The following CHCHD6 variants were observed in gnomAD, a reference collection of about 807,000 sequenced individuals.
CHCHD6 encodes the protein MICOS complex subunit MIC25.
In CHCHD6, 28 loss-of-function variants were observed where a neutral mutation model predicts 32.3. The ratio of observed to expected loss-of-function variants is 0.87; its 90% CI spans 0.64 to 1.19. The LOEUF (loss-of-function observed/expected upper bound fraction) is 1.19. Among genes scored for constraint, CHCHD6 ranks in the 50% most tolerant of loss-of-function variants. The probability of loss-of-function intolerance (pLI) is 0.00; values close to 1 mark genes in which losing one functional copy is unlikely to be tolerated. For missense variants in CHCHD6, 333 were observed against 307.0 expected (o/e 1.08, Z -0.63); for synonymous variants, 122 against 117.5 (o/e 1.04, Z -0.25).
intron 5 of CHCHD6, among the ~76,000 whole-genome samples, chr3:126,885,752 G>C (rs993852657): frequency 6.6e-6 from 1 of 152,208 alleles, no homozygotes; most frequent in Non-Finnish European, 1.5e-5. Flanking sequence ...TGACTGTCCT[G>C]TTATTATTTG....
chr3:126,762,213 C>A (rs1937188493), intron 4 of CHCHD6, among the ~76,000 whole-genome samples: 1 of 151,900 alleles, frequency 6.6e-6, no homozygotes, highest in Admixed American at 6.6e-5. Flanking sequence ...TACTCTTTTT[C>A]TAGTTCTTTA....
At chr3:126,801,917 G>A (rs1939097176) in intron 4 of CHCHD6, among the ~76,000 whole-genome samples, 1 of 152,220 alleles carries the variant, frequency 6.6e-6, no homozygotes, top group Admixed American at 6.5e-5. Flanking sequence ...AAAATCCACT[G>A]TTCTGCAGGC....
chr3:126,707,645 C>T (rs1474756498), intron 1 of CHCHD6, among the ~76,000 whole-genome samples: 1 of 152,170 alleles, frequency 6.6e-6, no homozygotes, highest in African/African-American at 2.4e-5. Flanking sequence ...CCACTGAGCC[C>T]ACCCCTGTTC....
At chr3:126,852,822 G>A (rs1394007822) in intron 5 of CHCHD6, 92 bp downstream of exon 5, 8 of 858,542 alleles carry the variant, frequency 9.3e-6, no homozygotes, top group South Asian at 4.3e-5. Flanking sequence ...AGAGGAGTCC[G>A]CAGACCCAGT....
At chr3:126,751,819 A>T (rs749482063) in intron 4 of CHCHD6, among the ~76,000 whole-genome samples, 4 of 152,140 alleles carry the variant, frequency 2.6e-5, no homozygotes, top group Non-Finnish European at 5.9e-5. Flanking sequence ...TCCTCCCTGG[A>T]TAGTCATAAG....
At chr3:126,826,644 G>A (rs1345064609) in intron 4 of CHCHD6, among the ~76,000 whole-genome samples, 6 of 152,160 alleles carry the variant, frequency 3.9e-5, no homozygotes, top group Non-Finnish European at 8.8e-5. Context: ...TGGGGAAACT[G>A]AGGCCTAGAG....
chr3:126,905,502 T>C (rs2077991823), intron 5 of CHCHD6, among the ~76,000 whole-genome samples: 1 of 151,590 alleles, frequency 6.6e-6, no homozygotes, highest in Admixed American at 6.6e-5. Context: ...GTGCCAAGAT[T>C]GTTTACTAGA....
chr3:126,881,065 G>A (rs1167827917), intron 5 of CHCHD6, among the ~76,000 whole-genome samples: 4 of 152,236 alleles, frequency 2.6e-5, no homozygotes, highest in East Asian at 1.9e-4. Context: ...CAGAACTGCC[G>A]ACCTGTATGG....
At chr3:126,774,989 T>C (rs1255473712) in intron 4 of CHCHD6, among the ~76,000 whole-genome samples, 1 of 152,206 alleles carries the variant, frequency 6.6e-6, no homozygotes, top group African/African-American at 2.4e-5. Flanking sequence ...CCTATCATTC[T>C]GGGTCCTGAG....
Position 126,799,231 on chromosome 3 carries a change from C to T in CHCHD6, c.412-53416C>T, listed in dbSNP as rs1056113180. ...AGGTGTTGAACAAGTGAAGGAATCA[C>T]TCTTGTCTCTAGCTGTACTCAACAG... On this transcript the variant is annotated intron_variant, in intron 4 of 7. Coordinates refer to ENST00000290913, the MANE Select transcript of CHCHD6 (RefSeq NM_032343.3). 2.0e-5 allele frequency among the ~76,000 whole-genome samples: 3 copies of T among 152,320 alleles called. 1 individual carries two copies.
intron 6 of CHCHD6, among the ~76,000 whole-genome samples, chr3:126,956,627 G>GAGAA (rs1056381764): frequency 2.0e-5 from 3 of 150,992 alleles, no homozygotes; most frequent in African/African-American, 7.3e-5. Context: ...GAGAGAGAGA[G>GAGAA]AAATCTGGAA....
At chr3:126,777,673 C>T (rs2053819) in intron 4 of CHCHD6, among the ~76,000 whole-genome samples, 6 of 152,306 alleles carry the variant, frequency 3.9e-5, no homozygotes, top group East Asian at 1.9e-4. Context: ...GTAGCAGGCA[C>T]GTTGAGCTCC....
chr3:126,717,768 G>GGT (rs1553723716), intron 1 of CHCHD6, among the ~76,000 whole-genome samples: 15,927 of 142,296 alleles, frequency 0.11, 884 homozygotes, highest in Middle Eastern at 0.22. Context: ...AGTGCTGAGG[G>GGT]GTGTGTGTGT....
At chr3:126,915,394 G>T (rs114938906) in intron 6 of CHCHD6, among the ~76,000 whole-genome samples, 1 of 152,340 alleles carries the variant, frequency 6.6e-6, no homozygotes, top group African/African-American at 2.4e-5. Flanking sequence ...TACCAGTGTG[G>T]CTCTGCTCAG....
chr3:126,753,446 C>T (rs891273328), intron 4 of CHCHD6, among the ~76,000 whole-genome samples: 2 of 152,176 alleles, frequency 1.3e-5, no homozygotes, highest in African/African-American at 4.8e-5. Context: ...CAGGAGCATG[C>T]TGCAGCCCGC....
At chr3:126,914,597 C>T in intron 5 of CHCHD6, 83 bp from the exon 6 acceptor site, 1 of 803,484 alleles carries the variant, frequency 1.2e-6, no homozygotes, top group East Asian at 2.4e-5. Context: ...TAGCATCTGT[C>T]AATTTCTAAT....
At chr3:126,956,628 A>AGT (rs2078789086) in intron 6 of CHCHD6, among the ~76,000 whole-genome samples, 1 of 151,090 alleles carries the variant, frequency 6.6e-6, no homozygotes, top group South Asian at 2.1e-4. Flanking sequence ...AGAGAGAGAG[A>AGT]AATCTGGAAG....
chr3:126,896,378 G>A (rs1303341514), intron 5 of CHCHD6, among the ~76,000 whole-genome samples: 1 of 152,152 alleles, frequency 6.6e-6, no homozygotes, highest in Non-Finnish European at 1.5e-5. Context: ...TCTTAAAGAT[G>A]TACATAGCCC....
intron 4 of CHCHD6, among the ~76,000 whole-genome samples, chr3:126,789,679 A>G (rs1408412469): frequency 1.3e-5 from 2 of 152,124 alleles, no homozygotes; most frequent in Non-Finnish European, 1.5e-5. Flanking sequence ...TTTGCTTGGT[A>G]GATCTTCCTC....
Sources: allele counts gnomAD v4.1 joint callset (sites outside exome capture counted in the v4.1 genomes callset), GRCh38; gene constraint gnomAD v4.1.1; transcripts MANE v1.5; gene names NCBI Gene and HGNC (gene_info 2026-07-23, HGNC 2026-07-21).